NPAS3: variants seen among roughly 807,000 people sequenced by gnomAD.
NPAS3 encodes neuronal PAS domain protein 3.
A neutral mutation model predicts 73.1 loss-of-function variants in NPAS3; 14 were observed. That is an observed-to-expected ratio of 0.19 (90% CI 0.13 to 0.30). NPAS3 has a LOEUF of 0.30. Among genes scored for constraint, NPAS3 ranks in the 10% least tolerant of loss-of-function variants. The probability of loss-of-function intolerance (pLI) is 1.00; values close to 1 mark genes in which losing one functional copy is unlikely to be tolerated. For missense variants in NPAS3, 1,096 were observed against 1,250.0 expected, an observed-to-expected ratio of 0.88 and a Z score of 1.86; for synonymous variants, 620 against 541.5, an observed-to-expected ratio of 1.14 and a Z score of -2.01.
intron 4 of NPAS3, among the ~76,000 whole-genome samples, chr14:33,555,725 A>G (rs907803236): frequency 6.6e-6 from 1 of 152,228 alleles, no homozygotes; most frequent in Non-Finnish European, 1.5e-5. Context: ...TGGCTATGAG[A>G]AAAGTGACCT....
At chr14:33,109,577 A>G (rs544148324) in intron 2 of NPAS3, among the ~76,000 whole-genome samples, 1 of 152,086 alleles carries the variant, frequency 6.6e-6, no homozygotes, top group Non-Finnish European at 1.5e-5. Context: ...TTGCAAAATT[A>G]ATGTAATTTT....
chr14:33,062,616 A>G (rs2041147898), intron 2 of NPAS3, among the ~76,000 whole-genome samples: 1 of 152,260 alleles, frequency 6.6e-6, no homozygotes, highest in Non-Finnish European at 1.5e-5. Context: ...ATTTTAAAAA[A>G]TAATTGGTTG....
chr14:33,611,403 A>G (rs936395097), intron 5 of NPAS3, among the ~76,000 whole-genome samples: 16 of 152,188 alleles, frequency 1.1e-4, no homozygotes, highest in African/African-American at 3.9e-4. Context: ...TTGGATGACA[A>G]CATCTGAATC....
chr14:33,070,509 G>A (rs895198875), intron 2 of NPAS3, among the ~76,000 whole-genome samples: 4 of 152,216 alleles, frequency 2.6e-5, no homozygotes, highest in Middle Eastern at 3.4e-3. Context: ...CATCCTATAC[G>A]TCCTAGATGG....
intron 2 of NPAS3, among the ~76,000 whole-genome samples, chr14:33,084,418 C>A (rs2041956086): frequency 6.6e-6 from 1 of 152,124 alleles, no homozygotes; most frequent in Non-Finnish European, 1.5e-5. Flanking sequence ...AATGAGGGCA[C>A]CATTTTTTCC....
intron 4 of NPAS3, among the ~76,000 whole-genome samples, chr14:33,451,334 GT>G (rs1302491796): frequency 6.6e-6 from 1 of 152,178 alleles, no homozygotes; most frequent in Non-Finnish European, 1.5e-5. Flanking sequence ...TTTTAGTAAA[GT>G]TTAAATCTGA....
At chr14:33,069,610 C>G (rs1456069284) in intron 2 of NPAS3, among the ~76,000 whole-genome samples, 1 of 152,058 alleles carries the variant, frequency 6.6e-6, no homozygotes, top group Non-Finnish European at 1.5e-5. Flanking sequence ...TTCTCATTTG[C>G]GAAATGCTGA....
intron 3 of NPAS3, among the ~76,000 whole-genome samples, chr14:33,216,993 G>A (rs11621099): frequency 0.24 from 35,932 of 152,036 alleles, 5,235 homozygotes; most frequent in Non-Finnish European, 0.34. Flanking sequence ...AACTACCCGA[G>A]AATGGATAAA....
At chr14:33,445,185 C>T (rs932776929) in intron 4 of NPAS3, among the ~76,000 whole-genome samples, 2 of 152,160 alleles carry the variant, frequency 1.3e-5, no homozygotes, top group African/African-American at 4.8e-5. Context: ...AGTCACATCG[C>T]TCTGAGTTGA....
At chr14:33,558,627 T>C in intron 4 of NPAS3, among the ~76,000 whole-genome samples, 2 of 151,706 alleles carry the variant, frequency 1.3e-5, no homozygotes, top group Non-Finnish European at 2.9e-5. Flanking sequence ...TGCATACATA[T>C]ATATACACAT....
rs550727575 is a variant in NPAS3 at position 33,081,031 on chromosome 14, G to A, written c.140+25037G>A. Among the ~76,000 whole-genome samples the A allele has an allele frequency of 2.0e-5, 3 of 152,280 alleles. No individual in the cohort carries two copies. The South Asian group carries it at 6.2e-4, about 32-fold the overall frequency. Reference sequence around the variant, plus strand: ...CACTTGGTTAAATAAAACTAGCCAAGTTCTTTACCAGCAATGTACATCACT... The same window carrying A: ...CACTTGGTTAAATAAAACTAGCCAAATTCTTTACCAGCAATGTACATCACT... On this transcript the variant is annotated intron_variant, in intron 2 of 11. Coordinates refer to ENST00000356141, the Ensembl canonical transcript of NPAS3.
At chr14:33,140,343 A>G (rs1374908399) in intron 2 of NPAS3, among the ~76,000 whole-genome samples, 1 of 152,144 alleles carries the variant, frequency 6.6e-6, no homozygotes, top group Non-Finnish European at 1.5e-5. Context: ...GATTTCAGTA[A>G]TATGTAAGTA....
intron 4 of NPAS3, among the ~76,000 whole-genome samples, chr14:33,552,721 G>A (rs1017186832): frequency 7.2e-5 from 11 of 151,912 alleles, no homozygotes; most frequent in African/African-American, 2.4e-4. Flanking sequence ...CCGCGTGTGA[G>A]TGAACAGCAT....
intron 5 of NPAS3, among the ~76,000 whole-genome samples, chr14:33,576,718 T>C (rs971417302): frequency 1.3e-5 from 2 of 152,218 alleles, no homozygotes; most frequent in Non-Finnish European, 2.9e-5. Context: ...AGGGCCACTT[T>C]AAAAATGCCC....
chr14:33,629,409 T>C (rs1194616716), intron 5 of NPAS3, among the ~76,000 whole-genome samples: 1 of 152,188 alleles, frequency 6.6e-6, no homozygotes, highest in Non-Finnish European at 1.5e-5. Flanking sequence ...CTGATGAGAA[T>C]TCAGCCATCT....
chr14:32,947,582 T>A (rs1170630007), intron 1 of NPAS3, among the ~76,000 whole-genome samples: 3 of 152,122 alleles, frequency 2.0e-5, no homozygotes, highest in Non-Finnish European at 4.4e-5. Context: ...TGTCACATGA[T>A]ACACACATAT....
At chr14:33,589,304 C>A (rs1010671064) in intron 5 of NPAS3, among the ~76,000 whole-genome samples, 1 of 152,104 alleles carries the variant, frequency 6.6e-6, no homozygotes. Flanking sequence ...GGATTAAATT[C>A]TATTTGTAGT....
intron 4 of NPAS3, among the ~76,000 whole-genome samples, chr14:33,507,509 A>G (rs2052822620): frequency 6.6e-6 from 1 of 151,776 alleles, no homozygotes; most frequent in African/African-American, 2.4e-5. Context: ...TGTTCTCTGA[A>G]TTGTTCATTG....
intron 2 of NPAS3, among the ~76,000 whole-genome samples, chr14:33,130,173 G>C (rs575012451): frequency 1.3e-5 from 2 of 152,030 alleles, no homozygotes; most frequent in African/African-American, 2.4e-5. Context: ...TTATGCGTAC[G>C]GCAGACCATA....
Sources: gnomAD v4.1 joint callset for allele counts (sites outside exome capture counted in the v4.1 genomes callset) on GRCh38, gnomAD v4.1.1 for gene constraint, MANE v1.5 for transcripts, NCBI Gene and HGNC (gene_info 2026-07-23, HGNC 2026-07-21) for gene names.